DYM: variants seen among roughly 807,000 people sequenced by gnomAD.
The protein encoded by DYM is dymeclin.
In DYM, 78 loss-of-function variants were observed where a neutral mutation model predicts 93.1. That is an observed-to-expected ratio of 0.84 (90% CI 0.70 to 1.01). DYM has a LOEUF of 1.01. Ranked by LOEUF, DYM falls within the 50% of genes least tolerant of loss-of-function variation. The pLI is 0.00. For missense variants in DYM, 789 were observed against 845.0 expected (o/e 0.93, Z 0.82); for synonymous variants, 321 against 319.7 (o/e 1.00, Z -0.04).
intron 17 of DYM, among the ~76,000 whole-genome samples, chr18:49,066,458 G>A (rs1381070850): frequency 1.3e-5 from 2 of 152,168 alleles, no homozygotes; most frequent in African/African-American, 4.8e-5. Flanking sequence ...TTCATTCACG[G>A]TCATTGCTGT....
intron 6 of DYM, among the ~76,000 whole-genome samples, chr18:49,337,606 C>A (rs145606730): frequency 6.6e-6 from 1 of 152,096 alleles, no homozygotes; most frequent in Non-Finnish European, 1.5e-5. Context: ...AGATTGAGAA[C>A]ATCACAGCAG....
intron 13 of DYM, among the ~76,000 whole-genome samples, chr18:49,235,410 A>G (rs969411126): frequency 1.3e-5 from 2 of 152,216 alleles, no homozygotes; most frequent in Non-Finnish European, 2.9e-5. Context: ...CATGATCAAA[A>G]GCTAAAGAAT....
chr18:49,240,402 A>G (rs2093982916), intron 13 of DYM, among the ~76,000 whole-genome samples: 1 of 152,234 alleles, frequency 6.6e-6, no homozygotes, highest in Admixed American at 6.5e-5. Flanking sequence ...ATTTAATAAT[A>G]AACACATTAC....
At chr18:49,451,081 G>A (rs140555535) in intron 1 of DYM, among the ~76,000 whole-genome samples, 1 of 152,252 alleles carries the variant, frequency 6.6e-6, no homozygotes, top group Non-Finnish European at 1.5e-5. Context: ...TTTGACTTTT[G>A]CTTGGAATAT....
At chr18:49,081,530 AGAGGGGAGAGGGGAGAGGGGAGAGG>A (rs1247892821) in intron 17 of DYM, among the ~76,000 whole-genome samples, 5 of 5,672 alleles carry the variant, frequency 8.8e-4, no homozygotes, top group Admixed American at 7.8e-3. Context: ...GGGAGAGGGG[AGAGGGGAGAGGGGAGAGGGGAGAGG>A]GGAGAGGGGA....
rs535362486 is a variant in DYM at position 49,062,271 on chromosome 18, T to C, written c.2026-18067A>G. On this transcript the variant is annotated intron_variant, in intron 17 of 17. Transcript: ENST00000675505. Reference sequence around the variant, plus strand: ...AATCTGATTGTCAGCCCTATAAATCTTACAAAACTAAAACAATGGCTTAGG... The same window carrying C: ...AATCTGATTGTCAGCCCTATAAATCCTACAAAACTAAAACAATGGCTTAGG... 1.6e-4 allele frequency among the ~76,000 whole-genome samples: 24 copies of C among 152,288 alleles called. 1 individual carries two copies. The South Asian group carries it at 5.0e-3, about 32-fold the overall frequency.
At chr18:49,414,399 A>C (rs1380534365) in intron 2 of DYM, among the ~76,000 whole-genome samples, 1 of 152,228 alleles carries the variant, frequency 6.6e-6, no homozygotes, top group Admixed American at 6.5e-5. Flanking sequence ...AATAAAAAAA[A>C]CATGAATAAA....
At position 49,053,723 on chromosome 18, in the gene DYM, T is replaced by C. The variant is rs915478847; in HGVS notation, c.2026-9519A>G. On this transcript the variant is annotated intron_variant, in intron 17 of 17. Transcript: ENST00000675505. ...TTAATTCTGGGGGTGAAGGATAAATTTGGGGATTACGTAGCCTCACTATCA... is the reference window on the plus strand; with the variant it reads ...TTAATTCTGGGGGTGAAGGATAAATCTGGGGATTACGTAGCCTCACTATCA... Among the ~76,000 whole-genome samples the C allele has an allele frequency of 2.0e-5, 3 of 152,054 alleles. No homozygotes were observed. In the East Asian group the frequency reaches 5.8e-4, roughly 29 times the overall value.
At chr18:49,049,030 G>A (rs2072024877) in intron 17 of DYM, among the ~76,000 whole-genome samples, 1 of 152,262 alleles carries the variant, frequency 6.6e-6, no homozygotes, top group Non-Finnish European at 1.5e-5. Context: ...GCATATGATA[G>A]TACACAAAAA....
chr18:49,422,995 A>T (rs1213733683), intron 2 of DYM, among the ~76,000 whole-genome samples: 1 of 152,150 alleles, frequency 6.6e-6, no homozygotes, highest in Non-Finnish European at 1.5e-5. Flanking sequence ...CAAGACAGAA[A>T]GTTAACAAGG....
intron 14 of DYM, among the ~76,000 whole-genome samples, chr18:49,207,724 C>CT (rs1348465954): frequency 6.6e-6 from 1 of 152,172 alleles, no homozygotes; most frequent in African/African-American, 2.4e-5. Context: ...AATATCAAGG[C>CT]TTACCTGAAT....
intron 17 of DYM, among the ~76,000 whole-genome samples, chr18:49,065,371 T>G (rs367996816): frequency 9.2e-5 from 14 of 152,350 alleles, no homozygotes; most frequent in East Asian, 3.9e-4. Context: ...AGTTAATTTT[T>G]TTCTTTTTGA....
intron 3 of DYM, chr18:49,390,861 T>C (rs1471885544): frequency 6.5e-6 from 1 of 153,320 alleles, no homozygotes; most frequent in African/African-American, 2.4e-5. Flanking sequence ...TCCTGTACCC[T>C]AGGTATTTCA....
chr18:49,113,331 T>C (rs777070229), intron 16 of DYM, among the ~76,000 whole-genome samples: 1 of 152,200 alleles, frequency 6.6e-6, no homozygotes, highest in African/African-American at 2.4e-5. Context: ...TTATTTTATG[T>C]TCTCTCTTGT....
chr18:49,277,541 G>A (rs1465131474), intron 10 of DYM, among the ~76,000 whole-genome samples: 1 of 152,136 alleles, frequency 6.6e-6, no homozygotes, highest in Non-Finnish European at 1.5e-5. Context: ...AAGAGGTGGG[G>A]CCCTTGGGAG....
At chr18:49,427,977 G>T (rs950644439) in intron 2 of DYM, among the ~76,000 whole-genome samples, 1 of 152,002 alleles carries the variant, frequency 6.6e-6, no homozygotes, top group African/African-American at 2.4e-5. Flanking sequence ...TGTGGTCCCA[G>T]CTACTCAGGA....
intron 2 of DYM, among the ~76,000 whole-genome samples, chr18:49,427,190 C>A (rs1355504977): frequency 6.6e-6 from 1 of 152,032 alleles, no homozygotes; most frequent in Non-Finnish European, 1.5e-5. Context: ...AAATGATTAA[C>A]CTAAATTTTA....
intron 6 of DYM, among the ~76,000 whole-genome samples, chr18:49,346,625 A>C (rs2064623261): frequency 6.6e-6 from 1 of 152,224 alleles, no homozygotes; most frequent in African/African-American, 2.4e-5. Flanking sequence ...TTAAAGGGTG[A>C]AAATTTTAGT....
intron 14 of DYM, among the ~76,000 whole-genome samples, chr18:49,169,203 G>C (rs761200276): frequency 6.6e-6 from 1 of 152,216 alleles, no homozygotes; most frequent in Non-Finnish European, 1.5e-5. Context: ...AAATAGACTG[G>C]AGGTGAACAT....
Sources: gnomAD v4.1 joint callset for allele counts (sites outside exome capture counted in the v4.1 genomes callset) on GRCh38, gnomAD v4.1.1 for gene constraint, MANE v1.5 for transcripts, NCBI Gene and HGNC (gene_info 2026-07-23, HGNC 2026-07-21) for gene names.